Variants in TUSC3 observed in about 807,000 individuals in gnomAD.
TUSC3 encodes dolichyl-diphosphooligosaccharide--protein glycosyltransferase subunit TUSC3.
In TUSC3, 45 loss-of-function variants were observed where a neutral mutation model predicts 44.8. The ratio of observed to expected loss-of-function variants is 1.00; its 90% CI spans 0.79 to 1.29. TUSC3 has a LOEUF of 1.29. TUSC3 is among the 50% of genes most tolerant of loss of function. The pLI is 0.00. For synonymous variants in TUSC3, 212 were observed against 152.9 expected, an observed-to-expected ratio of 1.39 and a Z score of -2.85; for missense variants, 519 against 437.9, an observed-to-expected ratio of 1.19 and a Z score of -1.65.
At chr8:15,816,269 A>C in the TUSC3 span, among the ~76,000 whole-genome samples, 1 of 152,142 alleles carries the variant, frequency 6.6e-6, no homozygotes, top group African/African-American at 2.4e-5. Flanking sequence ...TGCAGAGGGG[A>C]TAGTGGAAAG....
At chr8:15,791,996 C>G in the TUSC3 span, among the ~76,000 whole-genome samples, 1 of 151,978 alleles carries the variant, frequency 6.6e-6, no homozygotes, top group Non-Finnish European at 1.5e-5. Context: ...ATTCCTTTTT[C>G]TTTCTAACAT....
At chr8:15,516,268 A>T (rs1264848818) in intron 2 of TUSC3, among the ~76,000 whole-genome samples, 1 of 152,170 alleles carries the variant, frequency 6.6e-6, no homozygotes, top group Non-Finnish European at 1.5e-5. Context: ...ATTACAGAGG[A>T]ATGCATTAAT....
chr8:15,490,754 T>G (rs1800797518), intron 2 of TUSC3, among the ~76,000 whole-genome samples: 1 of 152,214 alleles, frequency 6.6e-6, no homozygotes, highest in African/African-American at 2.4e-5. Context: ...TTTAACAAAA[T>G]GAAAGAAAGT....
chr8:15,558,801 T>C (rs941471763), intron 1 of TUSC3, among the ~76,000 whole-genome samples: 1 of 145,280 alleles, frequency 6.9e-6, no homozygotes, highest in African/African-American at 2.5e-5. Context: ...CATAGAGGTG[T>C]TTGTAGTATT....
intron 3 of TUSC3, among the ~76,000 whole-genome samples, chr8:15,652,735 G>T (rs532601578): frequency 6.6e-6 from 1 of 152,224 alleles, no homozygotes; most frequent in South Asian, 2.1e-4. Context: ...TCAGATAGAA[G>T]TGCTATTCAA....
intron 1 of TUSC3, among the ~76,000 whole-genome samples, chr8:15,429,625 T>G (rs28800472): frequency 2.0e-5 from 3 of 151,198 alleles, no homozygotes; most frequent in Admixed American, 2.0e-4. Context: ...TGTTCTTCCA[T>G]TTGTTTGTAT....
Position 15,589,670 on chromosome 8 carries a change from A to G in TUSC3, c.139-33410A>G, listed in dbSNP as rs987580270. 2.2e-4 allele frequency among the ~76,000 whole-genome samples: 34 copies of G among 152,100 alleles called. 1 individual carries two copies. The highest frequency in any genetic ancestry group is 8.2e-4 in the African/African-American group (34 of 41,444). ...ATTAGGTTCTTAAAGTTTTTAAAAC[A>G]TCTTTACAGTATAAAGAAAAAAATG... On this transcript the variant is annotated intron_variant, in intron 1 of 10. Coordinates refer to ENST00000503731, the MANE Select transcript of TUSC3 (RefSeq NM_006765.4).
rs1812284455 is a variant in TUSC3, at chr8:15,764,845, A to T, written c.*689A>T. 1 of 152,134 alleles carries T rather than the reference A, an allele frequency of 6.6e-6. No homozygotes were observed. Among genetic ancestry groups the T allele is most frequent in the Admixed American group, 6.6e-5 (1 of 15,248 alleles). The allele number at this position is 152,134 out of a possible 1,614,324, so 9.4% of individuals were successfully genotyped here. ...AAAGGCATCAGACGATGAAAGCAACATACCACAACTAGGAGTTATTTCTCA... is the reference window on the plus strand; with the variant it reads ...AAAGGCATCAGACGATGAAAGCAACTTACCACAACTAGGAGTTATTTCTCA... On this transcript the variant is annotated 3_prime_UTR_variant, in exon 11 of 11. Coordinates refer to ENST00000503731, the MANE Select transcript of TUSC3 (RefSeq NM_006765.4).
chr8:15,555,276 A>ATTTTTTTTTTTTTTTT (rs35757466), intron 1 of TUSC3, among the ~76,000 whole-genome samples: 2 of 44,892 alleles, frequency 4.5e-5, no homozygotes, highest in African/African-American at 2.2e-4. Context: ...TGCCAGGCTA[A>ATTTTTTTTTTTTTTTT]TTTTTTTTTT....
intron 1 of TUSC3, among the ~76,000 whole-genome samples, chr8:15,585,381 T>C (rs1563304072): frequency 6.6e-6 from 1 of 152,210 alleles, no homozygotes; most frequent in East Asian, 1.9e-4. Flanking sequence ...TGGAGTTCTT[T>C]TTCTCATGAC....
In TUSC3 at chr8:15,688,427, A is replaced by AT. The variant is rs762998984; in HGVS notation, c.798+14593dup. Among the ~76,000 whole-genome samples, 4 of 64,410 alleles carry AT rather than the reference A, an allele frequency of 6.2e-5. No homozygotes were observed. The East Asian group carries it at 1.4e-3, about 23-fold the overall frequency. The allele number at this position is 64,410 out of a possible 152,430, so 42.3% of individuals were successfully genotyped here. On this transcript the variant is annotated intron_variant, in intron 6 of 10. Transcript: ENST00000503731. ...AACATTCAAAAACTAACACTTCAGT[A>AT]TTCTTTTTTTTTTTTTTTTTAACTT... is the stretch of plus-strand genomic sequence containing the variant.
At chr8:15,606,964 T>C (rs1299637885) in intron 1 of TUSC3, among the ~76,000 whole-genome samples, 1 of 152,018 alleles carries the variant, frequency 6.6e-6, no homozygotes, top group African/African-American at 2.4e-5. Context: ...TATATACTTA[T>C]AAAACAAAGT....
At chr8:15,611,217 T>C (rs1804746986) in intron 1 of TUSC3, among the ~76,000 whole-genome samples, 1 of 152,170 alleles carries the variant, frequency 6.6e-6, no homozygotes, top group Non-Finnish European at 1.5e-5. Flanking sequence ...GACAGAGTCT[T>C]GCCCTGTCTC....
intron 3 of TUSC3, among the ~76,000 whole-genome samples, chr8:15,654,988 G>A (rs1315805879): frequency 1.3e-5 from 2 of 151,946 alleles, no homozygotes; most frequent in Non-Finnish European, 2.9e-5. Context: ...TGTAAGAGAG[G>A]GAAAATAATA....
At chr8:15,518,884 A>G (rs1166009619) in intron 2 of TUSC3, among the ~76,000 whole-genome samples, 3 of 152,230 alleles carry the variant, frequency 2.0e-5, no homozygotes, top group African/African-American at 4.8e-5. Context: ...AATGGAATCA[A>G]TCTAAATTAT....
chr8:15,417,954 A>G (rs1262331101), intron 1 of TUSC3, among the ~76,000 whole-genome samples: 1 of 152,216 alleles, frequency 6.6e-6, no homozygotes, highest in African/African-American at 2.4e-5. Flanking sequence ...GCAACATTAC[A>G]GAAACAATTA....
At chr8:15,801,473 A>T in the TUSC3 span, among the ~76,000 whole-genome samples, 2 of 152,158 alleles carry the variant, frequency 1.3e-5, no homozygotes, top group Admixed American at 1.3e-4. Flanking sequence ...CTCCATTGCT[A>T]TTTTTGTTAA....
At chr8:15,847,022 C>T in the TUSC3 span, among the ~76,000 whole-genome samples, 8 of 152,140 alleles carry the variant, frequency 5.3e-5, no homozygotes, top group African/African-American at 1.7e-4. Context: ...CTCTGGGCTA[C>T]TTCAGCATAA....
At chr8:15,850,522 T>C in the TUSC3 span, among the ~76,000 whole-genome samples, 2 of 152,204 alleles carry the variant, frequency 1.3e-5, no homozygotes, top group South Asian at 2.1e-4. Flanking sequence ...TCGCTTCTCA[T>C]ATATTCAGTC....
Sources: allele counts gnomAD v4.1 joint callset (sites outside exome capture counted in the v4.1 genomes callset), GRCh38; gene constraint gnomAD v4.1.1; transcripts MANE v1.5; gene names NCBI Gene and HGNC (gene_info 2026-07-23, HGNC 2026-07-21).